The following VAV3 variants were observed in gnomAD, a reference collection of about 807,000 sequenced individuals.
VAV3 encodes vav guanine nucleotide exchange factor 3.
VAV3 carries 94 observed loss-of-function variants against 131.2 expected under a neutral mutation model. That is an observed-to-expected ratio of 0.72 (90% confidence interval 0.61 to 0.85). The LOEUF is 0.85. Among genes scored for constraint, VAV3 ranks in the 40% least tolerant of loss-of-function variants. The pLI, the probability that VAV3 is intolerant of heterozygous loss-of-function variation, is 0.00. For synonymous variants in VAV3, 349 were observed against 342.0 expected, an observed-to-expected ratio of 1.02 and a Z score of -0.22; for missense variants, 939 against 1,002.7, an observed-to-expected ratio of 0.94 and a Z score of 0.86.
chr1:107,847,584 G>T (rs1175997453), intron 2 of VAV3, among the ~76,000 whole-genome samples: 1 of 151,878 alleles, frequency 6.6e-6, no homozygotes, highest in Non-Finnish European at 1.5e-5. Flanking sequence ...ATGATAAAGG[G>T]GATATCACCA....
At chr1:107,584,917 A>G (rs1414064695) in intron 25 of VAV3, among the ~76,000 whole-genome samples, 1 of 152,226 alleles carries the variant, frequency 6.6e-6, no homozygotes, top group Non-Finnish European at 1.5e-5. Context: ...TTTGGCAGAC[A>G]TGTATTATAT....
rs902350114 is a variant in VAV3 at position 107,572,148 on chromosome 1, G to A, written c.*1183C>T. The A allele has an allele frequency of 6.6e-6, 1 of 152,186 alleles. No individual in the cohort carries two copies. Among genetic ancestry groups the A allele is most frequent in the Non-Finnish European group, 1.5e-5 (1 of 68,068 alleles). 9.4% of individuals were successfully genotyped at this position (152,186 alleles called of 1,614,324 possible). A position where few individuals can be genotyped will look rare whatever the true frequency, so the allele number is the denominator to read the frequency against. ...AGGCTCCTCACAAAAAAGAGTGATG[G>A]CTGGGCAAAACAAATGTACTGCAAG... On this transcript the variant is annotated 3_prime_UTR_variant, in exon 27 of 27. Transcript: ENST00000370056.
chr1:107,876,868 G>A (rs191102446), intron 1 of VAV3, among the ~76,000 whole-genome samples: 66 of 152,188 alleles, frequency 4.3e-4, no homozygotes, highest in African/African-American at 1.4e-3. Context: ...AGTGAGCAAC[G>A]TATTAGCTAA....
At chr1:107,652,394 T>C (rs1656239799) in intron 19 of VAV3, among the ~76,000 whole-genome samples, 1 of 152,172 alleles carries the variant, frequency 6.6e-6, no homozygotes. Flanking sequence ...GGGGCTGCGC[T>C]GTCTATGGAG....
intron 19 of VAV3, among the ~76,000 whole-genome samples, chr1:107,653,726 A>G (rs999468793): frequency 5.9e-5 from 9 of 152,144 alleles, no homozygotes; most frequent in African/African-American, 1.9e-4. Flanking sequence ...AAAGCCACCA[A>G]TGTTTCATAG....
At chr1:107,610,724 T>C (rs935262065) in intron 21 of VAV3, among the ~76,000 whole-genome samples, 5 of 152,030 alleles carry the variant, frequency 3.3e-5, no homozygotes, top group Admixed American at 6.6e-5. Flanking sequence ...AAATAGAAAA[T>C]GAACAAAGAC....
chr1:107,614,228 A>G (rs1652969378), intron 21 of VAV3, among the ~76,000 whole-genome samples: 1 of 151,948 alleles, frequency 6.6e-6, no homozygotes, highest in Non-Finnish European at 1.5e-5. Flanking sequence ...AAGTTGACCC[A>G]TTTATGAACC....
chr1:107,700,057 C>T (rs1287849777), intron 17 of VAV3, among the ~76,000 whole-genome samples: 5 of 152,166 alleles, frequency 3.3e-5, no homozygotes. Context: ...ATTATAAGTG[C>T]AAGTGAGTTG....
chr1:107,615,728 TA>T (rs913460833), intron 21 of VAV3, among the ~76,000 whole-genome samples: 2 of 152,014 alleles, frequency 1.3e-5, no homozygotes, highest in African/African-American at 4.8e-5. Flanking sequence ...CCAGCATCTA[TA>T]AAAAATGTAA....
At chr1:107,625,803 T>C (rs1364530581) in intron 20 of VAV3, among the ~76,000 whole-genome samples, 1 of 152,234 alleles carries the variant, frequency 6.6e-6, no homozygotes, top group African/African-American at 2.4e-5. Context: ...CATGTGCACA[T>C]GCATACTTTA....
chr1:107,672,816 C>CTA (rs1447888988), intron 19 of VAV3, among the ~76,000 whole-genome samples: 3 of 152,076 alleles, frequency 2.0e-5, no homozygotes, highest in Non-Finnish European at 4.4e-5. Flanking sequence ...GTATCAACTA[C>CTA]TATGATATGA....
At chr1:107,820,066 A>C (rs768062300) in intron 2 of VAV3, among the ~76,000 whole-genome samples, 10 of 152,174 alleles carry the variant, frequency 6.6e-5, no homozygotes, top group Non-Finnish European at 1.5e-4. Context: ...TCAAAAAACT[A>C]AAAATATAAC....
At chr1:107,708,015 G>A (rs80345374) in intron 15 of VAV3, among the ~76,000 whole-genome samples, 2,097 of 152,328 alleles carry the variant, frequency 0.014, 51 homozygotes, top group African/African-American at 0.048. Flanking sequence ...CTACAAGGCA[G>A]AGTCATTCAT....
intron 1 of VAV3, among the ~76,000 whole-genome samples, chr1:107,929,399 T>C (rs181482112): frequency 5.3e-5 from 8 of 152,126 alleles, no homozygotes; most frequent in Admixed American, 4.6e-4. Flanking sequence ...CTAAGGAATT[T>C]CATCAACACC....
chr1:107,594,166 G>C (rs931650568), intron 25 of VAV3, among the ~76,000 whole-genome samples: 5 of 151,962 alleles, frequency 3.3e-5, no homozygotes, highest in Non-Finnish European at 5.9e-5. Flanking sequence ...CTCTCCTTTT[G>C]AGTTGCTTTA....
intron 1 of VAV3, 123 bp from the exon 2 acceptor site, chr1:107,875,140 T>A: frequency 1.2e-6 from 1 of 828,928 alleles, no homozygotes; most frequent in South Asian, 1.6e-5. Context: ...GAAGTTGCTT[T>A]TCAATTACTC....
At chr1:107,917,553 C>G (rs1257781385) in intron 1 of VAV3, among the ~76,000 whole-genome samples, 3 of 152,026 alleles carry the variant, frequency 2.0e-5, no homozygotes, top group Non-Finnish European at 2.9e-5. Flanking sequence ...ACCTGATTGA[C>G]TAAAAGAATG....
At chr1:107,573,434 TACAA>T (rs545809406) in intron 26 of VAV3, 62 bp from the exon 27 acceptor site, 181 of 1,599,136 alleles carry the variant, frequency 1.1e-4, no homozygotes, top group African/African-American at 5.0e-4. Flanking sequence ...CAAAGGATTC[TACAA>T]ACAGAGTATT....
intron 15 of VAV3, among the ~76,000 whole-genome samples, chr1:107,740,893 C>T (rs1429161270): frequency 6.6e-6 from 1 of 152,200 alleles, no homozygotes; most frequent in Non-Finnish European, 1.5e-5. Context: ...AAAGCCTAAA[C>T]CATTTACTCT....
Sources: gnomAD v4.1 joint callset for allele counts (sites outside exome capture counted in the v4.1 genomes callset) on GRCh38, gnomAD v4.1.1 for gene constraint, MANE v1.5 for transcripts, NCBI Gene and HGNC (gene_info 2026-07-23, HGNC 2026-07-21) for gene names.